The following ZNF618 variants were observed in gnomAD, a reference collection of about 807,000 sequenced individuals.
The protein encoded by ZNF618 is neural precursor cell expressed, developmentally down-regulated 10.
In ZNF618, 34 loss-of-function variants were observed where a neutral mutation model predicts 103.0. The observed-to-expected ratio is 0.33, with a 90% CI of 0.25 to 0.44. The LOEUF (loss-of-function observed/expected upper bound fraction) is 0.44, where lower values mean the gene tolerates loss of function less well. ZNF618 is among the 20% of genes least tolerant of loss of function. The pLI is 1.00. For missense variants in ZNF618, 1,059 were observed against 1,295.4 expected, an observed-to-expected ratio of 0.82 and a Z score of 2.80; for synonymous variants, 551 against 542.2, an observed-to-expected ratio of 1.02 and a Z score of -0.23.
At chr9:113,913,063 G>A (rs1831705988) in intron 1 of ZNF618, among the ~76,000 whole-genome samples, 1 of 152,030 alleles carries the variant, frequency 6.6e-6, no homozygotes, top group Non-Finnish European at 1.5e-5. Flanking sequence ...TGATCTATAA[G>A]GGAGGTTCAA....
intron 1 of ZNF618, among the ~76,000 whole-genome samples, chr9:113,961,775 A>G (rs895113021): frequency 1.2e-4 from 18 of 152,206 alleles, no homozygotes; most frequent in African/African-American, 3.4e-4. Flanking sequence ...CTTTTTCAGC[A>G]TTGGCCCTGG....
intron 11 of ZNF618, among the ~76,000 whole-genome samples, chr9:114,032,273 CAG>C (rs765015909): frequency 2.8e-4 from 43 of 152,340 alleles, no homozygotes; most frequent in South Asian, 1.5e-3. Flanking sequence ...CAGAATCTGA[CAG>C]GGAGTGGTGG....
chr9:114,001,534 A>G (rs1841208029), intron 4 of ZNF618, among the ~76,000 whole-genome samples: 1 of 152,244 alleles, frequency 6.6e-6, no homozygotes, highest in Non-Finnish European at 1.5e-5. Flanking sequence ...GAACAGGGAC[A>G]GGGACCCAGG....
chr9:113,959,321 A>T (rs1318863932), intron 1 of ZNF618, among the ~76,000 whole-genome samples: 1 of 152,252 alleles, frequency 6.6e-6, no homozygotes, highest in Non-Finnish European at 1.5e-5. Context: ...AATAAAAACA[A>T]CACCTCACTG....
At position 114,049,229 on chromosome 9, in the gene ZNF618, G is replaced by T. The variant is rs1845924443; in HGVS notation, c.1927G>T (p.Val643Leu). Residue 643 changes from valine to leucine, a missense_variant, in exon 15 of 15, where the codon GTG becomes TTG. Physicochemically the swap from Val to Leu is conservative, Grantham distance 32. This residue lies in a region of ZNF618 where 272 missense variants were observed against 380.1 expected (regional missense o/e 0.72). Transcript: ENST00000374126. Reference protein sequence around the residue: ...LRCSACALNSVVQSVLSKRTL... With the variant: ...LRCSACALNSLVQSVLSKRTL... ...CTGCTCAGCCTGTGCCTTGAACTCG[G>T]TGGTGCAGAGCGTGCTGAGCAAGCG... The T allele has an allele frequency of 6.2e-7, 1 of 1,613,354 alleles. No homozygotes were observed. Among genetic ancestry groups the T allele is most frequent in the Non-Finnish European group, 8.5e-7 (1 of 1,179,794 alleles).
chr9:113,987,359 C>T (rs1839581325), intron 2 of ZNF618, among the ~76,000 whole-genome samples: 1 of 152,182 alleles, frequency 6.6e-6, no homozygotes, highest in African/African-American at 2.4e-5. Flanking sequence ...TGCTTTAGTC[C>T]TTAGTGTCCC....
At position 114,048,911 on chromosome 9, in the gene ZNF618, G is replaced by C; in HGVS notation, c.1609G>C (p.Val537Leu). 6.2e-7 allele frequency: 1 copy of C among 1,608,840 alleles called. No individual in the cohort carries two copies. Among genetic ancestry groups the C allele is most frequent in the Non-Finnish European group, 8.5e-7 (1 of 1,177,594 alleles). The change falls in exon 15 of 15, where the codon GTG (valine) becomes CTG (leucine). Residue 537 changes from valine to leucine, a missense_variant. Val to Leu is a conservative substitution (Grantham distance 32). Coordinates refer to ENST00000374126, the MANE Select transcript of ZNF618 (RefSeq NM_001318042.2). The stretch of plus-strand genomic sequence containing the variant: ...CATGTACAACCAGGTGAAGGTGAAA[G>C]TGACCTGTGCCTTGGGCAGCAATGC... ...PRMYNQVKVK[V>L]TCALGSNACL...
In ZNF618 at chr9:113,890,246, G is replaced by T. The variant is rs566084307; in HGVS notation, c.33+13833G>T. On this transcript the variant is annotated intron_variant, in intron 1 of 14. Coordinates refer to ENST00000374126, the MANE Select transcript of ZNF618 (RefSeq NM_001318042.2). ...AAACATTCAAGCAGTACAAAAAAAT[G>T]AAGATTATTCTTTTTAAAAAATCAC... Among the ~76,000 whole-genome samples the T allele has an allele frequency of 2.0e-5, 3 of 152,238 alleles. No homozygotes were observed. The East Asian group carries it at 5.8e-4, about 29-fold the overall frequency.
At chr9:113,898,336 C>T (rs1356794110) in intron 1 of ZNF618, among the ~76,000 whole-genome samples, 1 of 151,712 alleles carries the variant, frequency 6.6e-6, no homozygotes, top group African/African-American at 2.4e-5. Context: ...CTGTTTGCCT[C>T]ATTTATTCAT....
intron 10 of ZNF618, among the ~76,000 whole-genome samples, chr9:114,020,278 A>T (rs1198737393): frequency 2.0e-5 from 3 of 152,092 alleles, no homozygotes; most frequent in African/African-American, 7.2e-5. Context: ...TTATTTTTTA[A>T]GACTATTTGG....
chr9:113,934,946 G>A (rs1349312441), intron 1 of ZNF618, among the ~76,000 whole-genome samples: 4 of 152,230 alleles, frequency 2.6e-5, no homozygotes, highest in Non-Finnish European at 5.9e-5. Flanking sequence ...TGCAGGATGA[G>A]GAGGGGCGTG....
chr9:113,929,485 T>G (rs1833389050), intron 1 of ZNF618, among the ~76,000 whole-genome samples: 1 of 152,238 alleles, frequency 6.6e-6, no homozygotes. Context: ...GGGCTGAAAT[T>G]GAAAGTCCTC....
chr9:113,997,854 A>G (rs1840769359), intron 3 of ZNF618, among the ~76,000 whole-genome samples: 1 of 152,216 alleles, frequency 6.6e-6, no homozygotes, highest in Non-Finnish European at 1.5e-5. Context: ...CTGAGTCCCC[A>G]AGAAGGCCCT....
At chr9:113,919,951 G>A (rs1832488393) in intron 1 of ZNF618, among the ~76,000 whole-genome samples, 2 of 152,226 alleles carry the variant, frequency 1.3e-5, no homozygotes, top group African/African-American at 4.8e-5. Context: ...TCGTGGGTGG[G>A]GATGCTGAAG....
rs374006348 is a variant in ZNF618 at position 114,008,317 on chromosome 9, C to T, written c.641-27C>T. ...GCTCCTGTTTGTTTCTTTCCTTCTG[C>T]GGCTGCCGCCTCCTGCCCGGGCGCA... On this transcript the variant is annotated intron_variant, in intron 7 of 14. Transcript: ENST00000374126. 190 of 1,612,618 alleles carry T rather than the reference C, an allele frequency of 1.2e-4. 1 individual carries two copies. The highest frequency in any genetic ancestry group is 8.5e-4 in the South Asian group (77 of 90,968).
At chr9:113,981,728 A>G (rs1037438919) in intron 2 of ZNF618, among the ~76,000 whole-genome samples, 2 of 152,220 alleles carry the variant, frequency 1.3e-5, no homozygotes, top group African/African-American at 4.8e-5. Flanking sequence ...TGCAAGCTTT[A>G]GTGACAACAG....
At position 114,049,405 on chromosome 9, in the gene ZNF618, G is replaced by A; in HGVS notation, c.2103G>A (p.Leu701=). 6.2e-7 allele frequency: 1 copy of A among 1,603,696 alleles called. No homozygotes were observed. The highest frequency in any genetic ancestry group is 1.1e-5 in the South Asian group (1 of 89,506). ...PPCWNSVTDS[L]LLVHERYEQI... is the part of the protein sequence containing the mutation. ...GCTGGAACTCGGTGACGGACTCACT[G>A]TTGCTGGTGCATGAGCGCTATGAGC... The change falls in exon 15 of 15, where the codon CTG becomes CTA. Residue 701 remains leucine (L), a synonymous_variant. Coordinates refer to ENST00000374126, the MANE Select transcript of ZNF618 (RefSeq NM_001318042.2).
At chr9:113,901,626 A>G (rs2131265664) in intron 1 of ZNF618, among the ~76,000 whole-genome samples, 1 of 152,248 alleles carries the variant, frequency 6.6e-6, no homozygotes, top group East Asian at 1.9e-4. Context: ...TCCCCATTCT[A>G]GCTGAGTGGA....
chr9:113,957,537 G>T (rs1160668718), intron 1 of ZNF618, among the ~76,000 whole-genome samples: 1 of 152,150 alleles, frequency 6.6e-6, no homozygotes, highest in African/African-American at 2.4e-5. Flanking sequence ...TGCTAACAGG[G>T]GTCTCCTAGA....
Sources: gnomAD v4.1 joint callset for allele counts (sites outside exome capture counted in the v4.1 genomes callset) on GRCh38, gnomAD v4.1.1 for gene constraint, gnomAD v4.1.1 regional missense constraint, MANE v1.5 for transcripts, NCBI Gene and HGNC (gene_info 2026-07-23, HGNC 2026-07-21) for gene names.